CCDC167: variants seen among roughly 807,000 people sequenced by gnomAD.
CCDC167 encodes the protein coiled-coil domain containing 167.
CCDC167 carries 15 observed loss-of-function variants against 12.7 expected under a neutral mutation model. The observed-to-expected ratio is 1.18, with a 90% CI of 0.79 to 1.81. The LOEUF is 1.81. CCDC167 is among the 40% of genes most tolerant of loss of function. The pLI is 0.00. For missense variants in CCDC167, 121 were observed against 120.1 expected, an observed-to-expected ratio of 1.01 and a Z score of -0.03; for synonymous variants, 52 against 49.0, an observed-to-expected ratio of 1.06 and a Z score of -0.26.
intron 1 of CCDC167, among the ~76,000 whole-genome samples, chr6:37,488,411 C>T (rs553798194): frequency 1.7e-4 from 26 of 152,336 alleles, no homozygotes; most frequent in Admixed American, 1.1e-3. Flanking sequence ...ACTTTGCAGA[C>T]GACCCGAGGC....
At chr6:37,484,171 T>C (rs558712831) in intron 3 of CCDC167, among the ~76,000 whole-genome samples, 2 of 152,314 alleles carry the variant, frequency 1.3e-5, no homozygotes, top group East Asian at 3.9e-4. Context: ...TCTGGGGGAC[T>C]CCTTGCCATT....
chr6:37,495,453 C>T (rs925505439), intron 1 of CCDC167, among the ~76,000 whole-genome samples: 2 of 152,240 alleles, frequency 1.3e-5, no homozygotes, highest in African/African-American at 4.8e-5. Flanking sequence ...CCTTTCCTTC[C>T]TCCCACACAA....
At chr6:37,492,330 TCTCTA>T in intron 1 of CCDC167, among the ~76,000 whole-genome samples, 2 of 152,044 alleles carry the variant, frequency 1.3e-5, no homozygotes, top group South Asian at 4.1e-4. Context: ...TTCAACAGAT[TCTCTA>T]CTCGGAATAA....
chr6:37,483,578 C>T (rs1392412429), intron 3 of CCDC167, among the ~76,000 whole-genome samples: 6 of 152,206 alleles, frequency 3.9e-5, no homozygotes, highest in African/African-American at 1.4e-4. Flanking sequence ...AAAAATGCCA[C>T]ACCTGAAAGC....
intron 1 of CCDC167, among the ~76,000 whole-genome samples, chr6:37,493,662 C>T (rs1011885480): frequency 1.3e-5 from 2 of 152,260 alleles, no homozygotes; most frequent in African/African-American, 4.8e-5. Flanking sequence ...CTCCCAGCCC[C>T]TGGCTTGGGG....
intron 1 of CCDC167, among the ~76,000 whole-genome samples, chr6:37,494,821 T>TTTTTTTTTTTTTTTA (rs57496870): frequency 6.7e-6 from 1 of 150,038 alleles, no homozygotes; most frequent in African/African-American, 2.5e-5. Context: ...TTTTTTTTTT[T>TTTTTTTTTTTTTTTA]GAGACGGGGT....
chr6:37,490,764 A>T (rs138568659), intron 1 of CCDC167, among the ~76,000 whole-genome samples: 2 of 152,112 alleles, frequency 1.3e-5, no homozygotes, highest in Non-Finnish European at 2.9e-5. Context: ...AGGGCCGTCA[A>T]TCCTGCTGGC....
chr6:37,494,676 A>T (rs1345577532), intron 1 of CCDC167, among the ~76,000 whole-genome samples: 1 of 152,184 alleles, frequency 6.6e-6, no homozygotes, highest in Non-Finnish European at 1.5e-5. Context: ...TCCTGAGTTA[A>T]AGTTGAATAT....
At chr6:37,497,546 CG>C (rs1263553064) in intron 1 of CCDC167, among the ~76,000 whole-genome samples, 1 of 132,036 alleles carries the variant, frequency 7.6e-6, no homozygotes, top group East Asian at 2.3e-4. Flanking sequence ...GGTCGGGGGT[CG>C]GGGATCGGGG....
rs150088810 is a variant in CCDC167 at position 37,490,689 on chromosome 6, C to G, written c.43-5495G>C. ...ATGAGAAGATCTAAAGTCAGCCCAGCAGTCAAGGCTGCAGAGGCTGTGTTG... is the reference window on the plus strand; with the variant it reads ...ATGAGAAGATCTAAAGTCAGCCCAGGAGTCAAGGCTGCAGAGGCTGTGTTG... On this transcript the variant is annotated intron_variant, in intron 1 of 3. Transcript: ENST00000373408. Among the ~76,000 whole-genome samples the G allele has an allele frequency of 2.2e-3, 330 of 152,274 alleles. 1 individual carries two copies. Among genetic ancestry groups the G allele is most frequent in the Middle Eastern group, 6.8e-3 (2 of 294 alleles).
At chr6:37,491,997 A>C (rs1762028150) in intron 1 of CCDC167, among the ~76,000 whole-genome samples, 1 of 152,148 alleles carries the variant, frequency 6.6e-6, no homozygotes, top group Non-Finnish European at 1.5e-5. Context: ...TCCTGGGCAC[A>C]ACCTCCACAC....
chr6:37,487,617 T>G (rs184170733), intron 1 of CCDC167, among the ~76,000 whole-genome samples: 20 of 152,284 alleles, frequency 1.3e-4, no homozygotes, highest in African/African-American at 4.3e-4. Context: ...GATTGCGGAA[T>G]TCCATCCCTG....
intron 1 of CCDC167, among the ~76,000 whole-genome samples, chr6:37,495,795 G>C (rs573969889): frequency 5.3e-5 from 8 of 152,186 alleles, no homozygotes; most frequent in African/African-American, 1.4e-4. Flanking sequence ...TATTGCACTC[G>C]TCAGATTAAC....
intron 1 of CCDC167, among the ~76,000 whole-genome samples, chr6:37,489,245 C>CAAAA (rs1761984270): frequency 6.7e-6 from 1 of 148,326 alleles, no homozygotes; most frequent in Non-Finnish European, 1.5e-5. Context: ...CAAAAACAAA[C>CAAAA]AAACAAACAA....
chr6:37,494,958 C>A (rs546733506), intron 1 of CCDC167, among the ~76,000 whole-genome samples: 1 of 152,110 alleles, frequency 6.6e-6, no homozygotes, highest in African/African-American at 2.4e-5. Flanking sequence ...TACCACCACT[C>A]CTGGCTAATT....
intron 3 of CCDC167, among the ~76,000 whole-genome samples, chr6:37,484,166 G>A (rs1203038436): frequency 4.6e-5 from 7 of 152,210 alleles, no homozygotes; most frequent in Non-Finnish European, 1.0e-4. Flanking sequence ...GCGCTTCTGG[G>A]GGACTCCTTG....
chr6:37,499,371 G>C (rs1328932567), intron 1 of CCDC167, among the ~76,000 whole-genome samples: 5 of 152,082 alleles, frequency 3.3e-5, no homozygotes, highest in African/African-American at 1.2e-4. Flanking sequence ...CCTTTTAGAG[G>C]ATATTTAAAC....
intron 1 of CCDC167, among the ~76,000 whole-genome samples, chr6:37,485,868 A>G (rs1202675243): frequency 6.6e-6 from 1 of 152,232 alleles, no homozygotes; most frequent in Non-Finnish European, 1.5e-5. Context: ...AGGTAGCAAA[A>G]TAGTTAAGGT....
intron 1 of CCDC167, among the ~76,000 whole-genome samples, chr6:37,495,255 A>G (rs1762085191): frequency 6.6e-6 from 1 of 152,252 alleles, no homozygotes; most frequent in African/African-American, 2.4e-5. Flanking sequence ...ATACCGGCTA[A>G]GACACCACAC....
Sources: allele counts gnomAD v4.1 joint callset (sites outside exome capture counted in the v4.1 genomes callset), GRCh38; gene constraint gnomAD v4.1.1; transcripts MANE v1.5; gene names NCBI Gene and HGNC (gene_info 2026-07-23, HGNC 2026-07-21).